Variants in ANXA8 observed in about 807,000 individuals in gnomAD.
ANXA8 encodes VAC-beta.
Under a neutral mutation model 26.8 loss-of-function variants are expected in ANXA8, and 9 were observed. That is an observed-to-expected ratio of 0.34 (90% confidence interval 0.20 to 0.59). The LOEUF (loss-of-function observed/expected upper bound fraction) is 0.59, where lower values mean the gene tolerates loss of function less well. Ranked by LOEUF, ANXA8 falls within the 20% of genes least tolerant of loss-of-function variation. ANXA8 has a pLI of 0.84. For synonymous variants in ANXA8, 39 were observed against 94.8 expected (o/e 0.41, Z 3.42); for missense variants, 83 against 238.5 (o/e 0.35, Z 4.29).
the ANXA8 span, among the ~76,000 whole-genome samples, chr10:47,682,051 T>C: frequency 2.0e-5 from 3 of 151,250 alleles, no homozygotes; most frequent in East Asian, 1.9e-4. Context: ...ATCCTCTTTT[T>C]TCCCCCTTAG....
At chr10:47,942,514 C>T in the ANXA8 span, among the ~76,000 whole-genome samples, 5 of 139,450 alleles carry the variant, frequency 3.6e-5, no homozygotes, top group Non-Finnish European at 7.6e-5. Context: ...AGATTGCTGG[C>T]TGATCTAGTT....
At chr10:47,554,358 C>T in the ANXA8 span, among the ~76,000 whole-genome samples, 4 of 149,288 alleles carry the variant, frequency 2.7e-5, no homozygotes, top group Non-Finnish European at 4.4e-5. Context: ...CCTCTTTTTC[C>T]GGGACCAACA....
chr10:47,979,997 A>G, the ANXA8 span, among the ~76,000 whole-genome samples: 4 of 151,454 alleles, frequency 2.6e-5, no homozygotes, highest in Non-Finnish European at 5.9e-5. Context: ...TATGGCAGCA[A>G]TAGAAAACAC....
chr10:47,683,795 G>A, the ANXA8 span, among the ~76,000 whole-genome samples: 1 of 150,878 alleles, frequency 6.6e-6, no homozygotes, highest in Non-Finnish European at 1.5e-5. Flanking sequence ...GTCATTTGAT[G>A]CTATTGAGCA....
chr10:47,643,451 C>A, the ANXA8 span, among the ~76,000 whole-genome samples: 1 of 146,350 alleles, frequency 6.8e-6, no homozygotes. Context: ...ACCGCTTGAA[C>A]CCCAGAGGCA....
the ANXA8 span, among the ~76,000 whole-genome samples, chr10:47,959,766 T>G: frequency 1.3e-5 from 2 of 150,116 alleles, no homozygotes; most frequent in African/African-American, 2.5e-5. Context: ...GTGGGGTCTC[T>G]GTCCCATCCC....
At chr10:47,693,481 A>G in the ANXA8 span, among the ~76,000 whole-genome samples, 3 of 151,452 alleles carry the variant, frequency 2.0e-5, no homozygotes, top group South Asian at 2.1e-4. Flanking sequence ...TAGTAGAGAC[A>G]GGGTTTCACT....
At chr10:47,668,865 C>A in the ANXA8 span, among the ~76,000 whole-genome samples, 3 of 151,406 alleles carry the variant, frequency 2.0e-5, no homozygotes, top group Non-Finnish European at 1.5e-5. Context: ...CTAGGGTGAT[C>A]TATCTGTGTC....
At chr10:47,901,065 G>GA in the ANXA8 span, among the ~76,000 whole-genome samples, 84 of 136,046 alleles carry the variant, frequency 6.2e-4, no homozygotes, top group Middle Eastern at 3.8e-3. Context: ...GAACTGGCGG[G>GA]AAAAAAAAAA....
chr10:47,699,344 C>CAAAAAA, the ANXA8 span, among the ~76,000 whole-genome samples: 33 of 54,132 alleles, frequency 6.1e-4, no homozygotes, highest in African/African-American at 1.1e-3. Context: ...ATTCTGTCTC[C>CAAAAAA]AAAAAAAAAA....
the ANXA8 span, among the ~76,000 whole-genome samples, chr10:47,626,809 G>A: frequency 6.7e-5 from 10 of 150,202 alleles, no homozygotes; most frequent in Non-Finnish European, 1.3e-4. Context: ...GGTAATCAGA[G>A]GAAGGAAGAG....
chr10:47,521,817 G>A, the ANXA8 span, among the ~76,000 whole-genome samples: 1 of 150,982 alleles, frequency 6.6e-6, no homozygotes, highest in Non-Finnish European at 1.5e-5. Flanking sequence ...GTCTCGCTCT[G>A]TCACCCAGCC....
At chr10:47,966,104 G>A in the ANXA8 span, among the ~76,000 whole-genome samples, 6 of 142,052 alleles carry the variant, frequency 4.2e-5, 1 homozygote, top group Middle Eastern at 3.6e-3. Context: ...GTGGGAGAGT[G>A]AGAAGCCCCC....
chr10:47,588,631 T>G, the ANXA8 span: 1 of 146,174 alleles, frequency 6.8e-6, no homozygotes, highest in Non-Finnish European at 1.5e-5. Flanking sequence ...GGATAACAAT[T>G]CTACTTGCCT....
chr10:47,738,959 C>A, the ANXA8 span, among the ~76,000 whole-genome samples: 1 of 151,612 alleles, frequency 6.6e-6, no homozygotes, highest in Non-Finnish European at 1.5e-5. Flanking sequence ...CCTCACATAA[C>A]TTCCCAGGCA....
At chr10:47,658,757 C>T in the ANXA8 span, among the ~76,000 whole-genome samples, 23 of 141,512 alleles carry the variant, frequency 1.6e-4, no homozygotes, top group South Asian at 2.3e-3. Context: ...GGTTTCTCTA[C>T]GTTTCAGTTT....
chr10:47,487,130 C>A, upstream of ANXA8: 2 of 1,413,474 alleles, frequency 1.4e-6, no homozygotes, highest in Non-Finnish European at 1.9e-6. Flanking sequence ...CTTAAGTGTA[C>A]ACCATAAATA....
chr10:47,987,044 G>T, the ANXA8 span: 1 of 519,182 alleles, frequency 1.9e-6, no homozygotes, highest in South Asian at 1.6e-5. Flanking sequence ...AGCACAGGCA[G>T]CCCGGGAAGA....
the ANXA8 span, among the ~76,000 whole-genome samples, chr10:47,688,222 T>C: frequency 3.4e-5 from 5 of 148,558 alleles, no homozygotes; most frequent in African/African-American, 1.2e-4. Context: ...GCCTCCCTAG[T>C]AGCTGGGACT....
Sources: allele counts gnomAD v4.1 joint callset (sites outside exome capture counted in the v4.1 genomes callset), GRCh38; gene constraint gnomAD v4.1.1; transcripts MANE v1.5; gene names NCBI Gene and HGNC (gene_info 2026-07-23, HGNC 2026-07-21).